Variants in ADGRV1 observed in about 807,000 individuals in gnomAD.
The protein encoded by ADGRV1 is adhesion G protein-coupled receptor V1.
Under a neutral mutation model 596.2 loss-of-function variants are expected in ADGRV1, and 359 were observed. The ratio of observed to expected loss-of-function variants is 0.60; its 90% confidence interval spans 0.55 to 0.66. ADGRV1 has a LOEUF of 0.66. Among genes scored for constraint, ADGRV1 ranks in the 30% least tolerant of loss-of-function variants. The pLI is 0.00. For missense variants in ADGRV1, 7,274 were observed against 7,575.6 expected (o/e 0.96, Z 1.48); for synonymous variants, 2,681 against 2,679.2 (o/e 1.00, Z -0.02).
At chr5:91,014,552 T>C (rs1783022284) in intron 85 of ADGRV1, among the ~76,000 whole-genome samples, 1 of 152,004 alleles carries the variant, frequency 6.6e-6, no homozygotes, top group Admixed American at 6.6e-5. Flanking sequence ...AGGCTATTTA[T>C]TACTGACTCA....
intron 83 of ADGRV1, among the ~76,000 whole-genome samples, chr5:90,901,306 T>C (rs955360343): frequency 6.6e-6 from 1 of 152,180 alleles, no homozygotes; most frequent in African/African-American, 2.4e-5. Flanking sequence ...ATCTTAGTCC[T>C]GACCTTACTT....
Position 90,721,364 on chromosome 5 carries a change from C to T in ADGRV1, c.9748+305C>T, listed in dbSNP as rs529083154. On this transcript the variant is annotated intron_variant, in intron 45 of 89. Coordinates refer to ENST00000405460, the MANE Select transcript of ADGRV1 (RefSeq NM_032119.4). Reference sequence around the variant, plus strand: ...CTAAAAATACAAAAAATTAGCCGGGCGTAGTGGCAGGCGCCTGTGGTCCCA... The same window carrying T: ...CTAAAAATACAAAAAATTAGCCGGGTGTAGTGGCAGGCGCCTGTGGTCCCA... 4.0e-5 allele frequency among the ~76,000 whole-genome samples: 6 copies of T among 151,518 alleles called. No homozygotes were observed. In the South Asian group the frequency reaches 6.2e-4, roughly 16 times the overall value.
At chr5:90,805,250 G>A (rs1231086703) in intron 71 of ADGRV1, 34 bp from the exon 72 acceptor site, 2 of 1,584,658 alleles carry the variant, frequency 1.3e-6, no homozygotes, top group Admixed American at 1.7e-5. Flanking sequence ...GGTTTAGAGA[G>A]AAATAAAATA....
intron 87 of ADGRV1, among the ~76,000 whole-genome samples, chr5:91,113,560 A>G (rs1792572014): frequency 6.6e-6 from 1 of 152,186 alleles, no homozygotes; most frequent in Non-Finnish European, 1.5e-5. Context: ...CAGTTGTTCC[A>G]TAATTATAGT....
intron 83 of ADGRV1, among the ~76,000 whole-genome samples, chr5:90,915,815 A>G (rs758248609): frequency 3.3e-5 from 5 of 152,178 alleles, no homozygotes; most frequent in Admixed American, 2.0e-4. Context: ...TTAACTGTAA[A>G]AATGCACATA....
chr5:90,757,573 C>T (rs1054155683), intron 57 of ADGRV1, among the ~76,000 whole-genome samples: 3 of 152,082 alleles, frequency 2.0e-5, no homozygotes, highest in Admixed American at 1.3e-4. Flanking sequence ...AAAGTGTGGA[C>T]AGTTTTTACT....
At chr5:90,900,514 T>G (rs1771742809) in intron 83 of ADGRV1, among the ~76,000 whole-genome samples, 1 of 152,162 alleles carries the variant, frequency 6.6e-6, no homozygotes, top group Non-Finnish European at 1.5e-5. Flanking sequence ...TGCTTAGGTT[T>G]TTAAAATTTA....
chr5:90,970,089 G>T (rs916633382), intron 84 of ADGRV1, among the ~76,000 whole-genome samples: 1 of 152,238 alleles, frequency 6.6e-6, no homozygotes, highest in African/African-American at 2.4e-5. Context: ...CCCGTGCCTG[G>T]CTCGGAGGGT....
In ADGRV1 at chr5:90,757,039, C is replaced by G; in HGVS notation, c.11818C>G (p.Pro3940Ala). 6.2e-7 allele frequency: 1 copy of G among 1,613,832 alleles called. No homozygotes were observed. The highest frequency in any genetic ancestry group is 8.5e-7 in the Non-Finnish European group (1 of 1,179,788). Reference protein sequence around the residue: ...VPPPLNVLQVPVVRLAGSFGA... With the variant: ...VPPPLNVLQVAVVRLAGSFGA... ...TCCACCCTTGAACGTTCTTCAAGTT[C>G]CTGTAGTCCGGCTGGCTGGAAGCTT... Residue 3940 changes from proline (P) to alanine (A), a missense_variant, in exon 57 of 90, where the codon CCT becomes GCT. Physicochemically the swap from Pro to Ala is conservative, Grantham distance 27. Around this residue, in one of 5 missense-constraint regions of ADGRV1, gnomAD observed 3,643 missense variants for 3,809.2 expected, o/e 0.96. Transcript: ENST00000405460.
chr5:91,080,380 G>T (rs1789235719), intron 86 of ADGRV1, among the ~76,000 whole-genome samples: 1 of 151,924 alleles, frequency 6.6e-6, no homozygotes, highest in Admixed American at 6.6e-5. Flanking sequence ...CATTTACAGG[G>T]CTGCTCAGTT....
chr5:91,158,586 G>A (rs987028313), intron 89 of ADGRV1, among the ~76,000 whole-genome samples: 1 of 152,146 alleles, frequency 6.6e-6, no homozygotes, highest in Non-Finnish European at 1.5e-5. Flanking sequence ...ATATGTGTCA[G>A]AGAGTATGTA....
chr5:90,765,032 G>T (rs939597146), intron 59 of ADGRV1, among the ~76,000 whole-genome samples: 3 of 152,060 alleles, frequency 2.0e-5, no homozygotes, highest in African/African-American at 7.2e-5. Flanking sequence ...TACTTTCCAT[G>T]GGGCTCCAAG....
In ADGRV1 at chr5:90,604,846, G is replaced by T. The variant is rs77985011; in HGVS notation, c.23-9989G>T. Among the ~76,000 whole-genome samples the T allele has an allele frequency of 5.9e-3, 901 of 152,190 alleles. 8 individuals are homozygous for T. The highest frequency in any genetic ancestry group is 9.1e-3 in the Non-Finnish European group (619 of 68,004). ...GACTTATTTTATTGCTTCTAAATTG[G>T]CCTCAAAGGATTTAGATTAGTGAGA... is the stretch of plus-strand genomic sequence containing the variant. On this transcript the variant is annotated intron_variant, in intron 1 of 89. Transcript: ENST00000405460.
chr5:91,159,540 T>A (rs1296349476), intron 89 of ADGRV1, among the ~76,000 whole-genome samples: 1 of 152,226 alleles, frequency 6.6e-6, no homozygotes. Context: ...CGTTTTAAGT[T>A]TTTAAGTTAA....
At chr5:90,958,816 A>T (rs1314402153) in intron 83 of ADGRV1, among the ~76,000 whole-genome samples, 2 of 152,182 alleles carry the variant, frequency 1.3e-5, no homozygotes, top group African/African-American at 4.8e-5. Context: ...TTACATACTG[A>T]AGTACTGGGG....
intron 86 of ADGRV1, among the ~76,000 whole-genome samples, chr5:91,073,869 T>C (rs570389367): frequency 6.6e-6 from 1 of 152,250 alleles, no homozygotes; most frequent in South Asian, 2.1e-4. Context: ...GGCCAACTTT[T>C]GTATTTTCAG....
chr5:91,074,509 G>A (rs548005500), intron 86 of ADGRV1, among the ~76,000 whole-genome samples: 1 of 151,986 alleles, frequency 6.6e-6, no homozygotes, highest in South Asian at 2.1e-4. Flanking sequence ...GATGATCTCG[G>A]TTTTTTATGA....
At chr5:91,059,664 A>G (rs1168989052) in intron 85 of ADGRV1, among the ~76,000 whole-genome samples, 1 of 152,212 alleles carries the variant, frequency 6.6e-6, no homozygotes, top group Non-Finnish European at 1.5e-5. Context: ...TTCCCCCTCA[A>G]TATTGGGAAT....
intron 13 of ADGRV1, 23 bp from the exon 14 acceptor site, chr5:90,643,780 A>G (rs1468921816): frequency 1.3e-6 from 2 of 1,534,112 alleles, no homozygotes; most frequent in South Asian, 1.3e-5. Flanking sequence ...TATAATTTCC[A>G]TACTTTGACA....
Sources: gnomAD v4.1 joint callset for allele counts (sites outside exome capture counted in the v4.1 genomes callset) on GRCh38, gnomAD v4.1.1 for gene constraint, gnomAD v4.1.1 regional missense constraint, MANE v1.5 for transcripts, NCBI Gene and HGNC (gene_info 2026-07-23, HGNC 2026-07-21) for gene names.